Variants in KIRREL3 observed in about 807,000 individuals in gnomAD.
KIRREL3 encodes the protein kin of IRRE-like protein 3.
Under a neutral mutation model 89.7 loss-of-function variants are expected in KIRREL3, and 36 were observed. That is an observed-to-expected ratio of 0.40 (90% CI 0.31 to 0.53). The LOEUF (loss-of-function observed/expected upper bound fraction) is 0.53, where lower values mean the gene tolerates loss of function less well. Among genes scored for constraint, KIRREL3 ranks in the 20% least tolerant of loss-of-function variants. The pLI is 0.49. For synonymous variants in KIRREL3, 445 were observed against 441.4 expected, an observed-to-expected ratio of 1.01 and a Z score of -0.10; for missense variants, 864 against 1,056.6, an observed-to-expected ratio of 0.82 and a Z score of 2.53.
chr11:126,685,920 T>C lies in KIRREL3; in HGVS notation c.56-123008A>G, dbSNP rs1479600887. 6.6e-6 allele frequency among the ~76,000 whole-genome samples: 1 copy of C among 152,244 alleles called. No individual in the cohort carries two copies. Among genetic ancestry groups the C allele is most frequent in the Non-Finnish European group, 1.5e-5 (1 of 68,042 alleles). ...CACGTGGCATCCTGTGCCTGCTCAA[T>C]GCTGAATCTGCTTCCCATGTGCACA... is the stretch of plus-strand genomic sequence containing the variant. On this transcript the variant is annotated intron_variant, in intron 1 of 16. Coordinates refer to ENST00000525144, the MANE Select transcript of KIRREL3 (RefSeq NM_032531.4). The surrounding 1 kb of genome is among the most constrained non-coding windows in gnomAD (Gnocchi z 5.5).
At chr11:126,449,695 C>A (rs1955955413) in intron 7 of KIRREL3, among the ~76,000 whole-genome samples, 1 of 152,242 alleles carries the variant, frequency 6.6e-6, no homozygotes, top group Non-Finnish European at 1.5e-5. Context: ...GGGGCTCCAT[C>A]TCCCGTCCAA....
chr11:126,963,736 G>A lies in KIRREL3; in HGVS notation c.55+36719C>T, dbSNP rs138419628. ...TACACTTATGAAATGTGTTTCTTAC[G>A]TCTTCAGCCAAGGCAACTTCCCTGA... On this transcript the variant is annotated intron_variant, in intron 1 of 16. Coordinates refer to ENST00000525144, the MANE Select transcript of KIRREL3 (RefSeq NM_032531.4). Among the ~76,000 whole-genome samples the A allele has an allele frequency of 3.6e-4, 55 of 152,122 alleles. No individual in the cohort carries two copies. In the South Asian group the frequency reaches 5.6e-3, roughly 16 times the overall value.
chr11:126,666,430 T>C lies in KIRREL3; in HGVS notation c.56-103518A>G, dbSNP rs535646887. 4.6e-5 allele frequency among the ~76,000 whole-genome samples: 7 copies of C among 152,324 alleles called. No homozygotes were observed. The East Asian group carries it at 9.7e-4, about 21-fold the overall frequency. ...ATTTCCTGAAAAATAGAGGGCCAACTACCATTAGAGCTCTTAGAGGATTGC... is the reference window on the plus strand; with the variant it reads ...ATTTCCTGAAAAATAGAGGGCCAACCACCATTAGAGCTCTTAGAGGATTGC... On this transcript the variant is annotated intron_variant, in intron 1 of 16. Coordinates refer to ENST00000525144, the MANE Select transcript of KIRREL3 (RefSeq NM_032531.4). This position sits in a 1 kb window ranked among gnomAD's most constrained non-coding sequence, Gnocchi z 4.2.
In KIRREL3 at chr11:126,526,177, C is replaced by T. The variant is rs1390073472; in HGVS notation, c.283+361G>A. On this transcript the variant is annotated intron_variant, in intron 3 of 16. Coordinates refer to ENST00000525144, the MANE Select transcript of KIRREL3 (RefSeq NM_032531.4). This position sits in a 1 kb window ranked among gnomAD's most constrained non-coding sequence, Gnocchi z 5.7. Reference sequence around the variant, plus strand: ...ACTTGTATTTCCTTAATAATTGTGCCTTAATAAATGGGGGATACATCTTGG... The same window carrying T: ...ACTTGTATTTCCTTAATAATTGTGCTTTAATAAATGGGGGATACATCTTGG... Among the ~76,000 whole-genome samples, 1 of 152,112 alleles carries T rather than the reference C, an allele frequency of 6.6e-6. No individual in the cohort carries two copies. The highest frequency in any genetic ancestry group is 2.4e-5 in the African/African-American group (1 of 41,404).
rs977019904 is a variant in KIRREL3 at position 126,773,368 on chromosome 11, C to T, written c.56-210456G>A. 1.3e-5 allele frequency among the ~76,000 whole-genome samples: 2 copies of T among 152,176 alleles called. No individual in the cohort carries two copies. The highest frequency in any genetic ancestry group is 2.9e-5 in the Non-Finnish European group (2 of 68,040). ...CTCACCCGAGCAAGAAGGAACTCTCCAGCAGACGACCTCTTGACTTGAATT... is the reference window on the plus strand; with the variant it reads ...CTCACCCGAGCAAGAAGGAACTCTCTAGCAGACGACCTCTTGACTTGAATT... On this transcript the variant is annotated intron_variant, in intron 1 of 16. Coordinates refer to ENST00000525144, the MANE Select transcript of KIRREL3 (RefSeq NM_032531.4). The surrounding 1 kb of genome is among the most constrained non-coding windows in gnomAD (Gnocchi z 4.2).
In KIRREL3 at chr11:126,555,388, A is replaced by T. The variant is rs1305831433; in HGVS notation, c.133+7447T>A. ...AATATGAATGTATATGTACAAACTG[A>T]ACTCAGAGCTCTGAAAGGAAGGATC... On this transcript the variant is annotated intron_variant, in intron 2 of 16. Coordinates refer to ENST00000525144, the MANE Select transcript of KIRREL3 (RefSeq NM_032531.4). The surrounding 1 kb of genome is among the most constrained non-coding windows in gnomAD (Gnocchi z 4.2). Among the ~76,000 whole-genome samples the T allele has an allele frequency of 6.6e-6, 1 of 152,222 alleles. No homozygotes were observed. Among genetic ancestry groups the T allele is most frequent in the Non-Finnish European group, 1.5e-5 (1 of 68,036 alleles).
chr11:126,469,926 A>G (rs1270157707), intron 5 of KIRREL3, among the ~76,000 whole-genome samples: 2 of 152,246 alleles, frequency 1.3e-5, no homozygotes, highest in Non-Finnish European at 2.9e-5. Flanking sequence ...AGACGAGGAA[A>G]CAGATGCCCA....
intron 1 of KIRREL3, among the ~76,000 whole-genome samples, chr11:126,629,849 C>T (rs768506271): frequency 1.3e-5 from 2 of 152,148 alleles, no homozygotes; most frequent in African/African-American, 2.4e-5. Context: ...CCACTCTGTC[C>T]CTTCACTGCT....
chr11:126,666,290 T>C lies in KIRREL3; in HGVS notation c.56-103378A>G, dbSNP rs982272104. ...ATAATGGACAGCCTTGGGTTTTACC[T>C]CCTGTCCAGGCACCCGTTCCTCTTT... On this transcript the variant is annotated intron_variant, in intron 1 of 16. Coordinates refer to ENST00000525144, the MANE Select transcript of KIRREL3 (RefSeq NM_032531.4). This position sits in a 1 kb window ranked among gnomAD's most constrained non-coding sequence, Gnocchi z 4.2. Among the ~76,000 whole-genome samples, 1 of 152,196 alleles carries C rather than the reference T, an allele frequency of 6.6e-6. No individual in the cohort carries two copies. The highest frequency in any genetic ancestry group is 1.5e-5 in the Non-Finnish European group (1 of 68,032).
At position 126,773,283 on chromosome 11, in the gene KIRREL3, A is replaced by G. The variant is rs118056656; in HGVS notation, c.56-210371T>C. ...TGAATCAGGGGACTGAGTGAAGTCA[A>G]TACAGTGTGGGTCGGCTTTGTCCCA... On this transcript the variant is annotated intron_variant, in intron 1 of 16. Coordinates refer to ENST00000525144, the MANE Select transcript of KIRREL3 (RefSeq NM_032531.4). The surrounding 1 kb of genome is among the most constrained non-coding windows in gnomAD (Gnocchi z 4.2). 1.9e-3 allele frequency among the ~76,000 whole-genome samples: 289 copies of G among 152,290 alleles called. 6 individuals carry two copies. In the East Asian group the frequency reaches 0.051, roughly 27 times the overall value.
At position 126,562,828 on chromosome 11, in the gene KIRREL3, C is replaced by T; in HGVS notation, c.133+7G>A. The T allele has an allele frequency of 6.2e-7, 1 of 1,612,854 alleles. No homozygotes were observed. Among genetic ancestry groups the T allele is most frequent in the Non-Finnish European group, 8.5e-7 (1 of 1,178,896 alleles). ...ACTCCCGAGACAATGGGGAGGTTCT[C>T]ACTGACCTTCATTCATTCTCCGAAA... On this transcript the variant is annotated splice_region_variant and intron_variant, in intron 2 of 16. Coordinates refer to ENST00000525144, the MANE Select transcript of KIRREL3 (RefSeq NM_032531.4). The surrounding 1 kb of genome is among the most constrained non-coding windows in gnomAD (Gnocchi z 4.7).
Position 126,704,698 on chromosome 11 carries a change from G to A in KIRREL3, c.56-141786C>T, listed in dbSNP as rs1475622899. Among the ~76,000 whole-genome samples the A allele has an allele frequency of 6.6e-6, 1 of 152,166 alleles. No homozygotes were observed. Among genetic ancestry groups the A allele is most frequent in the Non-Finnish European group, 1.5e-5 (1 of 68,026 alleles). On this transcript the variant is annotated intron_variant, in intron 1 of 16. Coordinates refer to ENST00000525144, the MANE Select transcript of KIRREL3 (RefSeq NM_032531.4). The surrounding 1 kb of genome is among the most constrained non-coding windows in gnomAD (Gnocchi z 4.2). ...AGTCTGAGTCTCTCCTGATGCCCAC[G>A]CTTCCAGGATGGCTCCTGGCTGTCT...
In KIRREL3 at chr11:126,729,564, A is replaced by G. The variant is rs1478708938; in HGVS notation, c.56-166652T>C. ...AATATGCCAGGGTACTGTCCCTGTA[A>G]ACAATGAGGCTGGAAGGCAAGAAAG... On this transcript the variant is annotated intron_variant, in intron 1 of 16. Coordinates refer to ENST00000525144, the MANE Select transcript of KIRREL3 (RefSeq NM_032531.4). This position sits in a 1 kb window ranked among gnomAD's most constrained non-coding sequence, Gnocchi z 4.5. 1.3e-5 allele frequency among the ~76,000 whole-genome samples: 2 copies of G among 152,172 alleles called. No homozygotes were observed. The highest frequency in any genetic ancestry group is 2.9e-5 in the Non-Finnish European group (2 of 68,038).
intron 1 of KIRREL3, among the ~76,000 whole-genome samples, chr11:126,650,176 ATT>A (rs1414265912): frequency 3.9e-5 from 6 of 152,024 alleles, no homozygotes; most frequent in Admixed American, 3.9e-4. Flanking sequence ...CCATGAAACC[ATT>A]TTCTCCTAGG....
intron 4 of KIRREL3, among the ~76,000 whole-genome samples, chr11:126,518,091 C>A (rs371131689): frequency 1.3e-5 from 2 of 152,354 alleles, no homozygotes; most frequent in East Asian, 1.9e-4. Context: ...GGCCTTCCCC[C>A]GTCTTTCCCT....
rs939235716 is a variant in KIRREL3, at chr11:126,656,078, G to A, written c.56-93166C>T. On this transcript the variant is annotated intron_variant, in intron 1 of 16. Coordinates refer to ENST00000525144, the MANE Select transcript of KIRREL3 (RefSeq NM_032531.4). This position sits in a 1 kb window ranked among gnomAD's most constrained non-coding sequence, Gnocchi z 4.0. ...AGTCCTGTGGATTCACTAGATTCTG[G>A]GACTATACCTTATCTATGCTGTGCA... The A allele has an allele frequency of 4.4e-6, 2 of 451,652 alleles. No homozygotes were observed. Among genetic ancestry groups the A allele is most frequent in the African/African-American group, 4.0e-5 (2 of 49,928 alleles). The allele number at this position is 451,652 out of a possible 1,614,324, so 28.0% of individuals were successfully genotyped here.
chr11:126,561,804 A>G lies in KIRREL3; in HGVS notation c.133+1031T>C, dbSNP rs757848710. Among the ~76,000 whole-genome samples the G allele has an allele frequency of 2.0e-5, 3 of 152,216 alleles. No homozygotes were observed. The highest frequency in any genetic ancestry group is 4.4e-5 in the Non-Finnish European group (3 of 68,040). Reference sequence around the variant, plus strand: ...TGATGGGTGCTGGAAACAGGTCCACAGCTGGCAAAGTCTCAGGCATGGGGA... The same window carrying G: ...TGATGGGTGCTGGAAACAGGTCCACGGCTGGCAAAGTCTCAGGCATGGGGA... On this transcript the variant is annotated intron_variant, in intron 2 of 16. Coordinates refer to ENST00000525144, the MANE Select transcript of KIRREL3 (RefSeq NM_032531.4). This position sits in a 1 kb window ranked among gnomAD's most constrained non-coding sequence, Gnocchi z 4.5.
chr11:126,706,848 T>A (rs531718815), intron 1 of KIRREL3, among the ~76,000 whole-genome samples: 28 of 152,330 alleles, frequency 1.8e-4, no homozygotes, highest in African/African-American at 6.7e-4. Context: ...TTTTCCTTTT[T>A]GAACTGTAAG....
intron 1 of KIRREL3, among the ~76,000 whole-genome samples, chr11:126,663,379 G>A (rs1189112166): frequency 4.6e-5 from 7 of 151,886 alleles, no homozygotes; most frequent in African/African-American, 1.7e-4. Flanking sequence ...TAGAGACGGG[G>A]TTTCACCATG....
Sources: allele counts gnomAD v4.1 joint callset (sites outside exome capture counted in the v4.1 genomes callset), GRCh38; gene constraint gnomAD v4.1.1; non-coding constraint Gnocchi (gnomAD v3.1); transcripts MANE v1.5; gene names NCBI Gene and HGNC (gene_info 2026-07-23, HGNC 2026-07-21).